The following ABAT variants were observed in gnomAD, a reference collection of about 807,000 sequenced individuals.
ABAT encodes the protein 4-aminobutyrate aminotransferase, also known as 4-aminobutyrate aminotransferase, mitochondrial.
Under a neutral mutation model 64.6 loss-of-function variants are expected in ABAT, and 45 were observed. The ratio of observed to expected loss-of-function variants is 0.70; its 90% CI spans 0.55 to 0.89. The LOEUF is 0.89. ABAT is among the 40% of genes least tolerant of loss of function. The pLI, the probability that ABAT is intolerant of heterozygous loss-of-function variation, is 0.00. For synonymous variants in ABAT, 297 were observed against 250.5 expected (o/e 1.19, Z -1.75); for missense variants, 633 against 658.4 (o/e 0.96, Z 0.42).
intron 4 of ABAT, among the ~76,000 whole-genome samples, chr16:8,748,459 C>A (rs550075819): frequency 6.6e-6 from 1 of 152,102 alleles, no homozygotes; most frequent in Non-Finnish European, 1.5e-5. Context: ...AGCGTATGGT[C>A]TAGCCTGGAG....
intron 1 of ABAT, among the ~76,000 whole-genome samples, chr16:8,676,848 C>T (rs1378289895): frequency 2.0e-5 from 3 of 152,212 alleles, no homozygotes; most frequent in African/African-American, 4.8e-5. Flanking sequence ...TGTCTCATCT[C>T]TGTTCAGAGG....
intron 1 of ABAT, among the ~76,000 whole-genome samples, chr16:8,686,757 C>G (rs932013699): frequency 6.6e-6 from 1 of 152,184 alleles, no homozygotes; most frequent in Non-Finnish European, 1.5e-5. Flanking sequence ...TGGCTCTGAC[C>G]TCAGTTTACT....
At chr16:8,706,985 G>C (rs965492783) in intron 1 of ABAT, among the ~76,000 whole-genome samples, 17 of 152,124 alleles carry the variant, frequency 1.1e-4, no homozygotes, top group Non-Finnish European at 1.5e-5. Context: ...CGGAATCAGA[G>C]GGTGGAATGG....
chr16:8,711,565 C>CAA (rs1399285899), intron 1 of ABAT, among the ~76,000 whole-genome samples: 1 of 152,176 alleles, frequency 6.6e-6, no homozygotes, highest in African/African-American at 2.4e-5. Flanking sequence ...ACTGTGAGAA[C>CAA]GTATTGCACT....
intron 1 of ABAT, among the ~76,000 whole-genome samples, chr16:8,707,353 ATTT>A (rs386384172): frequency 8.1e-6 from 1 of 123,946 alleles, no homozygotes. Flanking sequence ...TGCCAGGGTA[ATTT>A]TTTTTTTTTT....
Position 8,764,915 on chromosome 16 carries a change from C to A in ABAT, c.540+85C>A. 1 of 1,242,844 alleles carries A rather than the reference C, an allele frequency of 8.0e-7. No individual in the cohort carries two copies. Among genetic ancestry groups the A allele is most frequent in the East Asian group, 2.3e-5 (1 of 42,812 alleles). The allele number at this position is 1,242,844 out of a possible 1,614,324, so 77.0% of individuals were successfully genotyped here. A position where few individuals can be genotyped will look rare whatever the true frequency, so the allele number is the denominator to read the frequency against. On this transcript the variant is annotated intron_variant, in intron 8 of 15. Transcript: ENST00000268251. This position sits in a 1 kb window ranked among gnomAD's most constrained non-coding sequence, Gnocchi z 4.2. ...CTCACCCCTTGTCTGACTGTTCATT[C>A]CAATGGGCTGGAGTATTAGACATCA...
intron 14 of ABAT, among the ~76,000 whole-genome samples, chr16:8,779,093 GACTT>G (rs1448109490): frequency 6.6e-6 from 1 of 152,188 alleles, no homozygotes; most frequent in African/African-American, 2.4e-5. Flanking sequence ...CCAGGCTTAG[GACTT>G]AACATGTGAA....
rs768366683 is a variant in ABAT at position 8,773,139 on chromosome 16, CACACACACAT to C, written c.954+224_954+233del. ...ACACACACACACACACACACACACA[CACACACACAT>C]ATATATATATTTTTTTTTTTGAGAC... On this transcript the variant is annotated intron_variant, in intron 12 of 15. Coordinates refer to ENST00000268251, the MANE Select transcript of ABAT (RefSeq NM_020686.6). Among the ~76,000 whole-genome samples the C allele has an allele frequency of 1.5e-4, 19 of 129,814 alleles. No homozygotes were observed. In the South Asian group the frequency reaches 1.8e-3, roughly 12 times the overall value. The allele number at this position is 129,814 out of a possible 152,430, so 85.2% of individuals were successfully genotyped here.
chr16:8,735,054 A>AAG (rs1370924424), intron 1 of ABAT, among the ~76,000 whole-genome samples: 1 of 150,948 alleles, frequency 6.6e-6, no homozygotes, highest in Non-Finnish European at 1.5e-5. Flanking sequence ...CTTAAAAAAA[A>AAG]AAATCACTGG....
intron 1 of ABAT, among the ~76,000 whole-genome samples, chr16:8,684,786 A>G (rs2057415633): frequency 6.6e-6 from 1 of 152,080 alleles, no homozygotes; most frequent in Non-Finnish European, 1.5e-5. Flanking sequence ...AAAACACTCA[A>G]TGATTTTATT....
intron 1 of ABAT, among the ~76,000 whole-genome samples, chr16:8,726,260 A>AACTTTT (rs2142248621): frequency 1.9e-5 from 1 of 52,938 alleles, no homozygotes; most frequent in Non-Finnish European, 4.9e-5. Flanking sequence ...AAATGACTAG[A>AACTTTT]TCTTTTTTTT....
rs752701740 is a variant in ABAT, at chr16:8,750,428, G to C, written c.205G>C (p.Glu69Gln). 1 of 1,613,962 alleles carries C rather than the reference G, an allele frequency of 6.2e-7. No homozygotes were observed. Among genetic ancestry groups the C allele is most frequent in the East Asian group, 2.2e-5 (1 of 44,876 alleles). ...MKQLNIIQNA[E>Q]AVHFFCNYEE... The stretch of plus-strand genomic sequence containing the variant: ...GGTCTTTTCTTTCTCCAAGAATGCA[G>C]AGGCTGTGCATTTTTTCTGCAATTA... The change falls in exon 5 of 16, where the codon GAG becomes CAG. Residue 69 changes from glutamate (E) to glutamine (Q), a missense_variant. Coordinates refer to ENST00000268251, the MANE Select transcript of ABAT (RefSeq NM_020686.6).
chr16:8,778,963 C>T (rs2060348912), intron 14 of ABAT, among the ~76,000 whole-genome samples: 1 of 152,158 alleles, frequency 6.6e-6, no homozygotes, highest in African/African-American at 2.4e-5. Context: ...TCCAGTACAG[C>T]TCCCAGTCTC....
At chr16:8,696,910 G>A (rs1454377655) in intron 1 of ABAT, among the ~76,000 whole-genome samples, 1 of 152,112 alleles carries the variant, frequency 6.6e-6, no homozygotes, top group Non-Finnish European at 1.5e-5. Flanking sequence ...CTGGCTTGCT[G>A]CTCCCATCCC....
chr16:8,715,928 T>C (rs1385054880), intron 1 of ABAT, among the ~76,000 whole-genome samples: 1 of 152,198 alleles, frequency 6.6e-6, no homozygotes, highest in Non-Finnish European at 1.5e-5. Flanking sequence ...CTAACTCAAA[T>C]AATTCAGAAG....
At chr16:8,723,201 C>A (rs2058425234) in intron 1 of ABAT, among the ~76,000 whole-genome samples, 1 of 152,236 alleles carries the variant, frequency 6.6e-6, no homozygotes, top group East Asian at 1.9e-4. Flanking sequence ...CCAGTGCACT[C>A]CAGCCTGGGT....
At chr16:8,769,576 A>G (rs34264472) in intron 11 of ABAT, among the ~76,000 whole-genome samples, 6,503 of 138,428 alleles carry the variant, frequency 0.047, 117 homozygotes, top group Non-Finnish European at 0.07. Flanking sequence ...AAAAAAAAAA[A>G]AAAGAGAGAG....
intron 2 of ABAT, among the ~76,000 whole-genome samples, chr16:8,738,735 C>G (rs2142473687): frequency 6.6e-6 from 1 of 151,704 alleles, no homozygotes; most frequent in East Asian, 1.9e-4. Flanking sequence ...ACCTCCACCT[C>G]CCGGATTCAA....
chr16:8,718,559 C>T (rs2058276872), intron 1 of ABAT, among the ~76,000 whole-genome samples: 1 of 152,120 alleles, frequency 6.6e-6, no homozygotes, highest in African/African-American at 2.4e-5. Flanking sequence ...CCTACAATAG[C>T]CAGACACCGT....
Sources: allele counts gnomAD v4.1 joint callset (sites outside exome capture counted in the v4.1 genomes callset), GRCh38; gene constraint gnomAD v4.1.1; non-coding constraint Gnocchi (gnomAD v3.1); transcripts MANE v1.5; gene names NCBI Gene and HGNC (gene_info 2026-07-23, HGNC 2026-07-21).